The following SYTL5 variants were observed in gnomAD, a reference collection of about 807,000 sequenced individuals.
The protein encoded by SYTL5 is synaptotagmin-like protein 5.
In SYTL5, 34 loss-of-function variants were observed where a neutral mutation model predicts 55.9. The observed-to-expected ratio is 0.61, with a 90% confidence interval of 0.46 to 0.81. SYTL5 has a LOEUF of 0.81. SYTL5 is among the 30% of genes least tolerant of loss of function. The probability of loss-of-function intolerance (pLI) is 0.00; values close to 1 mark genes in which losing one functional copy is unlikely to be tolerated. For synonymous variants in SYTL5, 221 were observed against 188.7 expected (o/e 1.17, Z -1.40); for missense variants, 637 against 546.7 (o/e 1.17, Z -1.65).
At chrX:38,119,624 A>G (rs1349400095) in intron 13 of SYTL5, among the ~76,000 whole-genome samples, 1 of 112,479 alleles carries the variant, frequency 8.9e-6, no homozygotes, top group African/African-American at 3.2e-5. Flanking sequence ...ACTATTACAA[A>G]TAAAGCTGAT....
the SYTL5 span, among the ~76,000 whole-genome samples, chrX:37,910,026 T>A: frequency 4.5e-5 from 5 of 111,290 alleles, no homozygotes; most frequent in Non-Finnish European, 9.4e-5. Flanking sequence ...ACCACTTAAA[T>A]TGGAACCTCT....
intron 13 of SYTL5, among the ~76,000 whole-genome samples, chrX:38,112,711 T>G (rs1302721440): frequency 8.9e-6 from 1 of 112,080 alleles, no homozygotes; most frequent in East Asian, 2.8e-4. Flanking sequence ...TTGTGCTTCA[T>G]TAGTGGCTCA....
chrX:37,960,806 A>ATTTT, the SYTL5 span, among the ~76,000 whole-genome samples: 2,368 of 90,283 alleles, frequency 0.026, 75 homozygotes, highest in African/African-American at 0.098. Context: ...TTATTTATTT[A>ATTTT]TTTATTTGAG....
the SYTL5 span, among the ~76,000 whole-genome samples, chrX:37,944,360 A>T: frequency 1.5e-4 from 17 of 111,101 alleles, no homozygotes; most frequent in African/African-American, 4.3e-4. Flanking sequence ...ATAATTGATG[A>T]GTATGTTTTT....
the SYTL5 span, among the ~76,000 whole-genome samples, chrX:37,951,681 G>T: frequency 9.0e-6 from 1 of 111,411 alleles, no homozygotes; most frequent in Non-Finnish European, 1.9e-5. Context: ...TACAAGCAGT[G>T]TTGCTGTAGT....
At chrX:37,930,785 T>C in the SYTL5 span, among the ~76,000 whole-genome samples, 3 of 112,326 alleles carry the variant, frequency 2.7e-5, no homozygotes, top group Non-Finnish European at 3.8e-5. Flanking sequence ...CTCTCTCTAC[T>C]ATAATGCTGT....
the SYTL5 span, among the ~76,000 whole-genome samples, chrX:37,928,341 A>T: frequency 8.9e-6 from 1 of 111,852 alleles, no homozygotes; most frequent in Non-Finnish European, 1.9e-5. Flanking sequence ...TCCCTTACCT[A>T]ATACATACCC....
the SYTL5 span, among the ~76,000 whole-genome samples, chrX:37,959,279 T>G: frequency 0.034 from 3,748 of 111,553 alleles, 64 homozygotes; most frequent in African/African-American, 0.069. Context: ...ACACAGATAT[T>G]CTGTTTTGCC....
chrX:38,002,981 T>C (rs908466145), upstream of SYTL5, among the ~76,000 whole-genome samples: 4 of 111,863 alleles, frequency 3.6e-5, no homozygotes, highest in African/African-American at 1.3e-4. Flanking sequence ...GTTTTTCTTC[T>C]AGGGTTTTTA....
At position 38,100,665 on chromosome X, in the gene SYTL5, G is replaced by A. The variant is rs759498715; in HGVS notation, c.1063-1677G>A. 1.1e-3 allele frequency among the ~76,000 whole-genome samples: 123 copies of A among 111,163 alleles called. 1 individual carries two copies. Among genetic ancestry groups the A allele is most frequent in the South Asian group, 2.6e-3 (7 of 2,667 alleles). ...CCATCTGTTTGCAGGCAAGGAAGTG[G>A]AGCAAAGGGAACTCTCATATACTAC... On this transcript the variant is annotated intron_variant, in intron 9 of 16. Coordinates refer to ENST00000297875, the MANE Select transcript of SYTL5 (RefSeq NM_138780.3).
At chrX:38,084,584 G>C (rs919291355) in intron 6 of SYTL5, among the ~76,000 whole-genome samples, 1 of 110,826 alleles carries the variant, frequency 9.0e-6, no homozygotes, top group Admixed American at 9.6e-5. Flanking sequence ...CTGCTGCTTG[G>C]TGTGTGGGGA....
At chrX:37,928,879 T>C in the SYTL5 span, among the ~76,000 whole-genome samples, 1 of 112,087 alleles carries the variant, frequency 8.9e-6, no homozygotes, top group Non-Finnish European at 1.9e-5. Flanking sequence ...GAAGGTGGAA[T>C]TTAAGTGGTA....
chrX:38,044,454 T>C (rs1935399261), intron 2 of SYTL5, among the ~76,000 whole-genome samples: 2 of 112,116 alleles, frequency 1.8e-5, no homozygotes, highest in Admixed American at 1.9e-4. Context: ...CAGTTATACA[T>C]TTATAAAAAC....
chrX:37,891,516 T>C, the SYTL5 span, among the ~76,000 whole-genome samples: 1 of 111,964 alleles, frequency 8.9e-6, no homozygotes, highest in Admixed American at 9.5e-5. Flanking sequence ...ACAGGGTTTC[T>C]TTCTGGGGTG....
the SYTL5 span, among the ~76,000 whole-genome samples, chrX:37,926,084 T>G: frequency 8.9e-6 from 1 of 111,797 alleles, no homozygotes; most frequent in Non-Finnish European, 1.9e-5. Flanking sequence ...GCATGTATCT[T>G]TTTCGTATAA....
At chrX:37,952,600 T>A in the SYTL5 span, among the ~76,000 whole-genome samples, 1 of 111,020 alleles carries the variant, frequency 9.0e-6, no homozygotes, top group East Asian at 2.8e-4. Context: ...GATTGCTTTC[T>A]GGAGAGGACA....
intron 2 of SYTL5, among the ~76,000 whole-genome samples, chrX:38,049,678 A>G (rs113865705): frequency 2.7e-4 from 30 of 112,134 alleles, no homozygotes; most frequent in African/African-American, 9.7e-4. Context: ...ACCTAACTGC[A>G]AGAAATACTG....
chrX:37,977,742 A>ACG, the SYTL5 span, among the ~76,000 whole-genome samples: 25 of 106,692 alleles, frequency 2.3e-4, no homozygotes, highest in Non-Finnish European at 4.6e-4. Flanking sequence ...ACACACACAC[A>ACG]CACACGAAGA....
At chrX:37,952,272 T>A in the SYTL5 span, among the ~76,000 whole-genome samples, 1 of 111,835 alleles carries the variant, frequency 8.9e-6, no homozygotes, top group Non-Finnish European at 1.9e-5. Flanking sequence ...GAGTTAACTC[T>A]TCTGCACTTG....
Sources: allele counts gnomAD v4.1 joint callset (sites outside exome capture counted in the v4.1 genomes callset), GRCh38; gene constraint gnomAD v4.1.1; transcripts MANE v1.5; gene names NCBI Gene and HGNC (gene_info 2026-07-23, HGNC 2026-07-21).